The following CKAP5 variants were observed in gnomAD, a reference collection of about 807,000 sequenced individuals.
CKAP5 encodes cytoskeleton-associated protein 5.
Under a neutral mutation model 232.8 loss-of-function variants are expected in CKAP5, and 27 were observed. That is an observed-to-expected ratio of 0.12 (90% CI 0.09 to 0.16). CKAP5 has a LOEUF of 0.16. CKAP5 is among the 10% of genes least tolerant of loss of function. CKAP5 has a pLI of 1.00. For synonymous variants in CKAP5, 785 were observed against 841.1 expected (o/e 0.93, Z 1.16); for missense variants, 1,838 against 2,424.7 (o/e 0.76, Z 5.08).
At position 46,816,221 on chromosome 11, in the gene CKAP5, T is replaced by C. The variant is rs1385329992; in HGVS notation, c.435A>G (p.Ile145Met). 1 of 1,614,016 alleles carries C rather than the reference T, an allele frequency of 6.2e-7. No individual in the cohort carries two copies. The highest frequency in any genetic ancestry group is 8.5e-7 in the Non-Finnish European group (1 of 1,179,880). ...ACCTTAAGGCTTTCCTCAGTGTCTC[T>C]ATACAGGCCACTATGATCTTGGGAT... ...NKNPKIIVAC[I>M]ETLRKALSEF... Residue 145 changes from isoleucine (I) to methionine (M), a missense_variant, in exon 4 of 44, where the codon ATA becomes ATG. This residue lies in a region of CKAP5 where 285 missense variants were observed against 300.0 expected (regional missense o/e 0.95). Transcript: ENST00000529230.
intron 15 of CKAP5, among the ~76,000 whole-genome samples, chr11:46,789,452 C>A (rs1337048632): frequency 6.6e-6 from 1 of 152,104 alleles, no homozygotes; most frequent in Non-Finnish European, 1.5e-5. Flanking sequence ...AGTAGAGTGA[C>A]CTATTTGCCT....
At chr11:46,819,331 TA>T (rs1435564714) in intron 2 of CKAP5, among the ~76,000 whole-genome samples, 1 of 151,880 alleles carries the variant, frequency 6.6e-6, no homozygotes, top group Non-Finnish European at 1.5e-5. Context: ...CCCACTCCTA[TA>T]AAGAAAGAGA....
intron 1 of CKAP5, among the ~76,000 whole-genome samples, chr11:46,830,061 A>C (rs1939745031): frequency 6.6e-6 from 1 of 152,104 alleles, no homozygotes; most frequent in Non-Finnish European, 1.5e-5. Flanking sequence ...TGGGTGGGTA[A>C]AGGCAATCAC....
chr11:46,787,894 C>G lies in CKAP5; in HGVS notation c.1968+787G>C, dbSNP rs1198121088. Among the ~76,000 whole-genome samples the G allele has an allele frequency of 2.0e-5, 3 of 152,198 alleles. No homozygotes were observed. The East Asian group carries it at 5.8e-4, about 29-fold the overall frequency. On this transcript the variant is annotated intron_variant, in intron 16 of 43. Transcript: ENST00000529230. Reference sequence around the variant, plus strand: ...CCACTCCTGAAACAGCAAGACAAACCCCTTTTCTTACTCTTTCTCCTCCTT... The same window carrying G: ...CCACTCCTGAAACAGCAAGACAAACGCCTTTTCTTACTCTTTCTCCTCCTT...
Position 46,747,659 on chromosome 11 carries a change from G to A in CKAP5, c.5704+2615C>T, listed in dbSNP as rs190412408. On this transcript the variant is annotated intron_variant, in intron 42 of 43. Transcript: ENST00000529230. ...GTGGTATTTGAACAAAGATGTGAAA[G>A]AGGAAAGGGAGCTAGGCAACAAAGC... 1.4e-3 allele frequency among the ~76,000 whole-genome samples: 212 copies of A among 150,616 alleles called. 1 individual carries two copies. The highest frequency in any genetic ancestry group is 2.3e-3 in the South Asian group (11 of 4,748).
intron 36 of CKAP5, 133 bp from the exon 37 acceptor site, chr11:46,753,630 G>C (rs2065086970): frequency 1.6e-6 from 1 of 627,556 alleles, no homozygotes; most frequent in Admixed American, 3.5e-5. Context: ...CTGTCGCCCA[G>C]GCTGGAGTGC....
At chr11:46,764,988 C>A in intron 28 of CKAP5, 143 bp downstream of exon 28, 1 of 691,102 alleles carries the variant, frequency 1.4e-6, no homozygotes, top group Non-Finnish European at 2.2e-6. Context: ...ATTAATGCTC[C>A]CATAAACTAA....
At chr11:46,809,203 T>A (rs1939221407) in intron 7 of CKAP5, among the ~76,000 whole-genome samples, 197 bp downstream of exon 7, 1 of 152,104 alleles carries the variant, frequency 6.6e-6, no homozygotes. Flanking sequence ...TGGCAAGACA[T>A]GTTTTAAAAA....
At chr11:46,830,333 C>T (rs974326792) in intron 1 of CKAP5, among the ~76,000 whole-genome samples, 6 of 146,318 alleles carry the variant, frequency 4.1e-5, no homozygotes, top group Admixed American at 1.4e-4. Flanking sequence ...CCCAGCTACT[C>T]GGGAGGCTGA....
intron 42 of CKAP5, among the ~76,000 whole-genome samples, chr11:46,746,166 G>C (rs1034262511): frequency 7.2e-5 from 11 of 152,152 alleles, no homozygotes; most frequent in African/African-American, 2.7e-4. Context: ...AAGAGTAGGT[G>C]AATGTCACTA....
chr11:46,745,607 C>T lies in CKAP5; in HGVS notation c.5705-1030G>A, dbSNP rs1052237046. 5.3e-5 allele frequency among the ~76,000 whole-genome samples: 8 copies of T among 152,262 alleles called. No individual in the cohort carries two copies. The Middle Eastern group carries it at 0.014, about 259-fold the overall frequency. On this transcript the variant is annotated intron_variant, in intron 42 of 43. Transcript: ENST00000529230. The stretch of plus-strand genomic sequence containing the variant: ...GGCATACTGTTGGACATTCTGCACA[C>T]CACACTTTAACTCCTAAGAGGTCTT...
chr11:46,772,274 T>G (rs1341984534), intron 24 of CKAP5, among the ~76,000 whole-genome samples: 1 of 152,130 alleles, frequency 6.6e-6, no homozygotes, highest in Non-Finnish European at 1.5e-5. Context: ...ATTATTTTCA[T>G]GTGGTTTTTT....
At chr11:46,841,899 G>A (rs1940062454) in intron 1 of CKAP5, among the ~76,000 whole-genome samples, 1 of 150,692 alleles carries the variant, frequency 6.6e-6, no homozygotes, top group African/African-American at 2.4e-5. Flanking sequence ...TCAGGAGGCT[G>A]AGGCAGGAGA....
Position 46,814,048 on chromosome 11 carries a change from G to A in CKAP5, c.458+2150C>T, listed in dbSNP as rs191618323. 4.8e-5 allele frequency among the ~76,000 whole-genome samples: 7 copies of A among 146,644 alleles called. No homozygotes were observed. In the East Asian group the frequency reaches 8.0e-4, roughly 17 times the overall value. ...TCAGGAGGCTGGAGGCATGAGAATCGCTTGAACCCAGGGGCGGAGGTTGCA... is the reference window on the plus strand; with the variant it reads ...TCAGGAGGCTGGAGGCATGAGAATCACTTGAACCCAGGGGCGGAGGTTGCA... On this transcript the variant is annotated intron_variant, in intron 4 of 43. Transcript: ENST00000529230.
intron 42 of CKAP5, among the ~76,000 whole-genome samples, chr11:46,747,494 C>T (rs892018655): frequency 3.3e-5 from 5 of 150,876 alleles, no homozygotes; most frequent in African/African-American, 9.8e-5. Flanking sequence ...CCCAGCTACT[C>T]GGGAAGCTGA....
In CKAP5 at chr11:46,763,119, T is replaced by A. The variant is rs2065169755; in HGVS notation, c.3748A>T (p.Thr1250Ser). Residue 1250 changes from threonine to serine, a missense_variant, in exon 30 of 44, where the codon ACC (threonine) becomes TCC (serine). Physicochemically the swap from Thr to Ser is moderately conservative, Grantham distance 58. This residue lies in a region of CKAP5 where 48 missense variants were observed against 98.1 expected (regional missense o/e 0.49). Transcript: ENST00000529230. ...GTATTGGTGTCAAAAAACCTCAGGG[T>A]AAGCCACTTTAAGATAAGATCCAGG... ...GCLDLILKWL[T>S]LRFFDTNTSV... 1 of 1,613,820 alleles carries A rather than the reference T, an allele frequency of 6.2e-7. No homozygotes were observed. The highest frequency in any genetic ancestry group is 1.1e-5 in the South Asian group (1 of 91,076).
intron 3 of CKAP5, 122 bp downstream of exon 3, chr11:46,818,188 C>T (rs1939447825): frequency 2.8e-5 from 19 of 678,694 alleles, no homozygotes; most frequent in Non-Finnish European, 4.0e-5. Flanking sequence ...CAAGAAACTA[C>T]GAAAGTAAGA....
At position 46,755,097 on chromosome 11, in the gene CKAP5, C is replaced by T. The variant is rs750265464; in HGVS notation, c.4690-30G>A. 9.6e-6 allele frequency: 15 copies of T among 1,557,344 alleles called. No individual in the cohort carries two copies. The Admixed American group carries it at 1.3e-4, about 14-fold the overall frequency. ...TAACAAAAATTTCAAGATATATTTT[C>T]CAAGCTTCATACTTCTAAAATAGCG... is the stretch of plus-strand genomic sequence containing the variant. On this transcript the variant is annotated intron_variant, in intron 35 of 43. Transcript: ENST00000529230.
At chr11:46,771,502 C>CT (rs1160425407) in intron 24 of CKAP5, among the ~76,000 whole-genome samples, 5 of 152,134 alleles carry the variant, frequency 3.3e-5, no homozygotes, top group Non-Finnish European at 7.4e-5. Flanking sequence ...GTGGGATTGG[C>CT]TTTAGTCATG....
Sources: allele counts gnomAD v4.1 joint callset (sites outside exome capture counted in the v4.1 genomes callset), GRCh38; gene constraint gnomAD v4.1.1; regional missense constraint gnomAD v4.1.1; transcripts MANE v1.5; gene names NCBI Gene and HGNC (gene_info 2026-07-23, HGNC 2026-07-21).